SGK2: variants seen among roughly 807,000 people sequenced by gnomAD.
SGK2 encodes the protein serine/threonine-protein kinase Sgk2.
A neutral mutation model predicts 47.5 loss-of-function variants in SGK2; 36 were observed. The ratio of observed to expected loss-of-function variants is 0.76; its 90% confidence interval spans 0.58 to 1.00. The LOEUF is 1.00. SGK2 is among the 50% of genes least tolerant of loss of function. The probability of loss-of-function intolerance (pLI) is 0.00; values close to 1 mark genes in which losing one functional copy is unlikely to be tolerated. For missense variants in SGK2, 404 were observed against 467.4 expected, an observed-to-expected ratio of 0.86 and a Z score of 1.25; for synonymous variants, 157 against 181.9, an observed-to-expected ratio of 0.86 and a Z score of 1.10.
chr20:43,567,576 TA>T, intron 3 of SGK2, 88 bp from the exon 4 acceptor site: 1 of 1,234,016 alleles, frequency 8.1e-7, no homozygotes, highest in South Asian at 1.2e-5. Flanking sequence ...TTCCCCATTC[TA>T]AAGTTAAAAA....
intron 12 of SGK2, among the ~76,000 whole-genome samples, chr20:43,584,630 GTTGA>G (rs1980993533): frequency 6.6e-6 from 1 of 152,204 alleles, no homozygotes; most frequent in African/African-American, 2.4e-5. Context: ...TAAGTGTTAT[GTTGA>G]TTAACTGACT....
In SGK2 at chr20:43,584,848, A is replaced by T; in HGVS notation, c.940-4A>T. 6.2e-7 allele frequency: 1 copy of T among 1,612,082 alleles called. No individual in the cohort carries two copies. The highest frequency in any genetic ancestry group is 8.5e-7 in the Non-Finnish European group (1 of 1,178,906). On this transcript the variant is annotated splice_region_variant and splice_polypyrimidine_tract_variant and intron_variant, in intron 12 of 12. Transcript: ENST00000373100. ...TTCTTCTCATCATTGGCTTTTATTG[A>T]CAGACAGGACCTGCTGACTTGAAGC...
At position 43,582,844 on chromosome 20, in the gene SGK2, T is replaced by C. The variant is rs117293586; in HGVS notation, c.940-2008T>C. Among the ~76,000 whole-genome samples, 13 of 152,088 alleles carry C rather than the reference T, an allele frequency of 8.5e-5. No individual in the cohort carries two copies. The South Asian group carries it at 1.2e-3, about 15-fold the overall frequency. On this transcript the variant is annotated intron_variant, in intron 12 of 12. Coordinates refer to ENST00000373100, the MANE Select transcript of SGK2 (RefSeq NM_170693.3). Reference sequence around the variant, plus strand: ...CTGGGACTACAGGCGCTCAGCACCATGCTTGGCTAATTTTTTTGTTGTTGT... The same window carrying C: ...CTGGGACTACAGGCGCTCAGCACCACGCTTGGCTAATTTTTTTGTTGTTGT...
rs556415194 is a variant in SGK2 at position 43,581,308 on chromosome 20, A to G, written c.939+1247A>G. On this transcript the variant is annotated intron_variant, in intron 12 of 12. Coordinates refer to ENST00000373100, the MANE Select transcript of SGK2 (RefSeq NM_170693.3). ...TTATAATTTCCTCATGTCATAAAAA[A>G]TTTTATAAATACAATTTTTAGTGGC... Among the ~76,000 whole-genome samples, 5 of 152,256 alleles carry G rather than the reference A, an allele frequency of 3.3e-5. No homozygotes were observed. The South Asian group carries it at 1.0e-3, about 32-fold the overall frequency.
chr20:43,583,365 G>A, intron 12 of SGK2: 1 of 1,272,824 alleles, frequency 7.9e-7, no homozygotes, highest in African/African-American at 1.5e-5. Flanking sequence ...TACCATTTGT[G>A]AGGTCTTCAG....
At chr20:43,579,836 A>G (rs1466223308) in intron 11 of SGK2, 136 bp from the exon 12 acceptor site, 1 of 686,240 alleles carries the variant, frequency 1.5e-6, no homozygotes, top group African/African-American at 1.8e-5. Context: ...TGTCCCAGGA[A>G]ACTAGCCAGA....
intron 1 of SGK2, among the ~76,000 whole-genome samples, chr20:43,562,012 C>T (rs1979415914): frequency 6.6e-6 from 1 of 152,094 alleles, no homozygotes; most frequent in African/African-American, 2.4e-5. Flanking sequence ...CTGGCTTGAA[C>T]TTTTGAGTAG....
At position 43,561,609 on chromosome 20, in the gene SGK2, C is replaced by T. The variant is rs370247070; in HGVS notation, c.-24+2450C>T. On this transcript the variant is annotated intron_variant, in intron 1 of 12. Coordinates refer to ENST00000373100, the MANE Select transcript of SGK2 (RefSeq NM_170693.3). ...TTCACCATGTTGGCCAGGATGGTTT[C>T]GATCTCTGACCTCATGATCCACCCG... Among the ~76,000 whole-genome samples, 79 of 152,034 alleles carry T rather than the reference C, an allele frequency of 5.2e-4. No homozygotes were observed. The Middle Eastern group carries it at 0.01, about 20-fold the overall frequency.
intron 9 of SGK2, among the ~76,000 whole-genome samples, chr20:43,573,462 C>T (rs1980271409): frequency 7.2e-6 from 1 of 139,418 alleles, no homozygotes; most frequent in South Asian, 2.3e-4. Context: ...GCACTCCAGC[C>T]TGGTGGACAA....
intron 12 of SGK2, chr20:43,583,677 A>C (rs1221357431): frequency 1.7e-5 from 16 of 917,680 alleles, no homozygotes; most frequent in Non-Finnish European, 2.1e-5. Context: ...GCTTAAAACA[A>C]CAATCTTTTG....
chr20:43,563,419 A>G (rs1374051936), intron 1 of SGK2, among the ~76,000 whole-genome samples: 1 of 152,188 alleles, frequency 6.6e-6, no homozygotes, highest in East Asian at 1.9e-4. Flanking sequence ...GTTGAATAAG[A>G]TGAGGATGAG....
At chr20:43,580,748 A>C (rs1160524939) in intron 12 of SGK2, among the ~76,000 whole-genome samples, 3 of 139,732 alleles carry the variant, frequency 2.1e-5, no homozygotes, top group African/African-American at 7.9e-5. Flanking sequence ...AAAAAAAAAA[A>C]GGGAATGTAT....
chr20:43,567,143 T>C (rs1337763539), intron 3 of SGK2, 26 bp downstream of exon 3: 1 of 1,603,144 alleles, frequency 6.2e-7, no homozygotes. Flanking sequence ...TCAAGCACCT[T>C]TCCTACTTGA....
At chr20:43,573,489 C>CA (rs5841511) in intron 9 of SGK2, among the ~76,000 whole-genome samples, 76,605 of 111,142 alleles carry the variant, frequency 0.69, 26,108 homozygotes, top group Non-Finnish European at 0.75. Flanking sequence ...GACTCTGTCT[C>CA]AAAAAAAAAA....
At chr20:43,579,926 G>T (rs1490091877) in intron 11 of SGK2, 46 bp from the exon 12 acceptor site, 7 of 1,301,972 alleles carry the variant, frequency 5.4e-6, no homozygotes, top group Non-Finnish European at 6.7e-6. Flanking sequence ...AGCACCCATG[G>T]GGAGGGCTAC....
At chr20:43,567,594 C>A in intron 3 of SGK2, 71 bp from the exon 4 acceptor site, 2 of 1,408,668 alleles carry the variant, frequency 1.4e-6, no homozygotes, top group South Asian at 2.3e-5. Flanking sequence ...AAAAGAAGCC[C>A]AGGTTTGTTC....
At position 43,584,845 on chromosome 20, in the gene SGK2, T is replaced by C. The variant is rs376627850; in HGVS notation, c.940-7T>C. The C allele has an allele frequency of 6.2e-7, 1 of 1,612,108 alleles. No homozygotes were observed. The highest frequency in any genetic ancestry group is 1.3e-5 in the African/African-American group (1 of 74,870). ...GTTTTCTTCTCATCATTGGCTTTTA[T>C]TGACAGACAGGACCTGCTGACTTGA... On this transcript the variant is annotated splice_region_variant and splice_polypyrimidine_tract_variant and intron_variant, in intron 12 of 12. Transcript: ENST00000373100.
chr20:43,571,602 C>A (rs536611392), intron 8 of SGK2, among the ~76,000 whole-genome samples: 1 of 152,166 alleles, frequency 6.6e-6, no homozygotes, highest in Admixed American at 6.5e-5. Flanking sequence ...AGGGACGGGG[C>A]ATAACTTTGG....
chr20:43,574,808 C>T, intron 9 of SGK2, 101 bp from the exon 10 acceptor site: 1 of 748,274 alleles, frequency 1.3e-6, no homozygotes, highest in East Asian at 2.8e-5. Flanking sequence ...ACACGTACAG[C>T]AGGGTCAGCT....
Sources: gnomAD v4.1 joint callset for allele counts (sites outside exome capture counted in the v4.1 genomes callset) on GRCh38, gnomAD v4.1.1 for gene constraint, MANE v1.5 for transcripts, NCBI Gene and HGNC (gene_info 2026-07-23, HGNC 2026-07-21) for gene names.